ERP44: variants seen among roughly 807,000 people sequenced by gnomAD.
The protein encoded by ERP44 is endoplasmic reticulum protein 44.
Under a neutral mutation model 53.4 loss-of-function variants are expected in ERP44, and 25 were observed. That is an observed-to-expected ratio of 0.47 (90% CI 0.34 to 0.65). The LOEUF is 0.65. Ranked by LOEUF, ERP44 falls within the 30% of genes least tolerant of loss-of-function variation. The pLI, the probability that ERP44 is intolerant of heterozygous loss-of-function variation, is 0.01. For missense variants in ERP44, 338 were observed against 493.2 expected, an observed-to-expected ratio of 0.69 and a Z score of 2.98; for synonymous variants, 145 against 161.2, an observed-to-expected ratio of 0.90 and a Z score of 0.76.
chr9:100,049,443 T>TA (rs1197353543), intron 4 of ERP44, among the ~76,000 whole-genome samples: 1 of 152,022 alleles, frequency 6.6e-6, no homozygotes, highest in African/African-American at 2.4e-5. Context: ...AACAATCCAA[T>TA]AAAAAATGTG....
chr9:100,032,952 G>T (rs987468017), intron 4 of ERP44, among the ~76,000 whole-genome samples: 2 of 152,074 alleles, frequency 1.3e-5, no homozygotes, highest in African/African-American at 2.4e-5. Flanking sequence ...AATCTTTTTT[G>T]ACTTTTTGCT....
chr9:100,049,941 C>T (rs563564761), intron 4 of ERP44, among the ~76,000 whole-genome samples: 16 of 150,366 alleles, frequency 1.1e-4, no homozygotes, highest in African/African-American at 3.4e-4. Flanking sequence ...AACAGATAAA[C>T]AAATTGTGGT....
intron 6 of ERP44, 85 bp from the exon 7 acceptor site, chr9:100,018,398 A>G: frequency 1.2e-6 from 1 of 810,266 alleles, no homozygotes; most frequent in South Asian, 1.4e-5. Flanking sequence ...ATACTTATCC[A>G]TCATCTTCCC....
At chr9:100,034,064 G>C (rs924177057) in intron 4 of ERP44, among the ~76,000 whole-genome samples, 7 of 152,120 alleles carry the variant, frequency 4.6e-5, no homozygotes, top group Admixed American at 3.9e-4. Flanking sequence ...TGTTGCATAG[G>C]GGTTGGGTAA....
rs540504289 is a variant in ERP44 at position 99,982,392 on chromosome 9, A to G, written c.*220T>C. ...GATTTAAAGTGGAGATAGGCCTCTG[A>G]TTTTTATTTTTAAATCCTAGCAGGT... On this transcript the variant is annotated 3_prime_UTR_variant, in exon 12 of 12. Transcript: ENST00000262455. 4.3e-6 allele frequency: 1 copy of G among 230,482 alleles called. No homozygotes were observed. The highest frequency in any genetic ancestry group is 7.9e-5 in the East Asian group (1 of 12,720). The allele number at this position is 230,482 out of a possible 1,614,324, so 14.3% of individuals were successfully genotyped here.
rs1182659474 is a variant in ERP44 at position 100,020,718 on chromosome 9, T to A, written c.485A>T (p.Asn162Ile). The change falls in exon 6 of 12, where the codon AAT becomes ATT. Residue 162 changes from asparagine to isoleucine, a missense_variant. Physicochemically the swap from Asn to Ile is moderately radical, Grantham distance 149. This residue lies in a region of ERP44 where 224 missense variants were observed against 301.4 expected (regional missense o/e 0.74). Transcript: ENST00000262455. ...EITTLDRSKRNIIGYFEQKDS... is the reference protein window; with the variant it reads ...EITTLDRSKRIIIGYFEQKDS... ...CTTTTGCTCAAAATATCCAATGATATTTCTTTTGCTGCGCTGTAAAATAAA... is the reference window on the plus strand; with the variant it reads ...CTTTTGCTCAAAATATCCAATGATAATTCTTTTGCTGCGCTGTAAAATAAA... 2.5e-6 allele frequency: 4 copies of A among 1,577,946 alleles called. No homozygotes were observed. The highest frequency in any genetic ancestry group is 2.6e-6 in the Non-Finnish European group (3 of 1,148,244).
chr9:100,037,974 T>G (rs892221127), intron 4 of ERP44, among the ~76,000 whole-genome samples: 2 of 152,138 alleles, frequency 1.3e-5, no homozygotes, highest in Admixed American at 6.5e-5. Context: ...TATCCCAGAA[T>G]AGTGGGATAA....
chr9:100,060,188 A>G lies in ERP44; in HGVS notation c.58-16T>C. The G allele has an allele frequency of 6.7e-7, 1 of 1,486,838 alleles. No homozygotes were observed. The highest frequency in any genetic ancestry group is 8.9e-7 in the Non-Finnish European group (1 of 1,120,692). The allele number at this position is 1,486,838 out of a possible 1,614,324, so 92.1% of individuals were successfully genotyped here. On this transcript the variant is annotated splice_polypyrimidine_tract_variant and intron_variant, in intron 1 of 11. Coordinates refer to ENST00000262455, the MANE Select transcript of ERP44 (RefSeq NM_015051.3). Reference sequence around the variant, plus strand: ...CCCAAGTTACCTGAAAATTTAAAAAATGAGAAATTAATAAATGTGTCCACA... The same window carrying G: ...CCCAAGTTACCTGAAAATTTAAAAAGTGAGAAATTAATAAATGTGTCCACA...
intron 1 of ERP44, among the ~76,000 whole-genome samples, chr9:100,071,877 C>A (rs575819117): frequency 6.6e-6 from 1 of 152,114 alleles, no homozygotes; most frequent in Non-Finnish European, 1.5e-5. Flanking sequence ...GCTGAGATCA[C>A]GCCATTGCAC....
intron 2 of ERP44, 92 bp from the exon 3 acceptor site, chr9:100,057,951 G>T (rs1189120596): frequency 5.6e-5 from 55 of 984,592 alleles, no homozygotes; most frequent in Non-Finnish European, 7.9e-5. Flanking sequence ...TCCAATATAA[G>T]GGTCCACTTA....
intron 1 of ERP44, among the ~76,000 whole-genome samples, chr9:100,093,996 T>C (rs1826594427): frequency 6.6e-6 from 1 of 152,208 alleles, no homozygotes; most frequent in Admixed American, 6.5e-5. Context: ...CAAAGCTACA[T>C]ATACATTTAC....
Position 100,052,284 on chromosome 9 carries a change from C to T in ERP44, c.286+133G>A. ...ACTAGAACCTTTTCGGTTTGTTCTCCACTTAAAAGCAGAGCATTTAAAAAA... is the reference window on the plus strand; with the variant it reads ...ACTAGAACCTTTTCGGTTTGTTCTCTACTTAAAAGCAGAGCATTTAAAAAA... On this transcript the variant is annotated intron_variant, in intron 4 of 11. Transcript: ENST00000262455. The T allele has an allele frequency of 4.6e-6, 2 of 435,360 alleles. 1 individual carries two copies. 27.0% of individuals were successfully genotyped at this position (435,360 alleles called of 1,614,324 possible). A position where few individuals can be genotyped will look rare whatever the true frequency, so the allele number is the denominator to read the frequency against.
intron 10 of ERP44, chr9:99,999,095 AGCG>A (rs1480110637): frequency 5.9e-6 from 4 of 675,626 alleles, no homozygotes; most frequent in Non-Finnish European, 1.1e-5. Context: ...CCGTTCCCAC[AGCG>A]GCGGGGCGTG....
chr9:99,988,831 T>C (rs569518304), intron 10 of ERP44, among the ~76,000 whole-genome samples: 2 of 152,302 alleles, frequency 1.3e-5, no homozygotes, highest in African/African-American at 2.4e-5. Context: ...CCCACCCAAA[T>C]ACTGCGCTTT....
intron 10 of ERP44, among the ~76,000 whole-genome samples, chr9:100,005,773 C>G (rs1309154822): frequency 6.6e-6 from 1 of 152,138 alleles, no homozygotes; most frequent in East Asian, 1.9e-4. Context: ...ACAAATCATC[C>G]TCTGTGTAAT....
intron 1 of ERP44, among the ~76,000 whole-genome samples, chr9:100,086,571 C>A (rs1231896891): frequency 6.6e-6 from 1 of 152,230 alleles, no homozygotes; most frequent in Non-Finnish European, 1.5e-5. Flanking sequence ...TGCCAGACAT[C>A]ATACAATGTC....
At chr9:99,995,471 TTA>T (rs1830301274) in intron 10 of ERP44, among the ~76,000 whole-genome samples, 1 of 152,192 alleles carries the variant, frequency 6.6e-6, no homozygotes, top group Admixed American at 6.5e-5. Flanking sequence ...TGTAGGTCCT[TTA>T]TAGATGCCCT....
chr9:100,032,196 G>T (rs551012625), intron 4 of ERP44, among the ~76,000 whole-genome samples: 1 of 151,988 alleles, frequency 6.6e-6, no homozygotes, highest in Non-Finnish European at 1.5e-5. Flanking sequence ...AGCTATGCCC[G>T]CTTATTAGGC....
chr9:100,055,918 G>A (rs569767486), intron 3 of ERP44, among the ~76,000 whole-genome samples: 1 of 152,184 alleles, frequency 6.6e-6, no homozygotes, highest in South Asian at 2.1e-4. Context: ...AGACTTTGAG[G>A]CCACATAGTA....
Sources: gnomAD v4.1 joint callset for allele counts (sites outside exome capture counted in the v4.1 genomes callset) on GRCh38, gnomAD v4.1.1 for gene constraint, gnomAD v4.1.1 regional missense constraint, MANE v1.5 for transcripts, NCBI Gene and HGNC (gene_info 2026-07-23, HGNC 2026-07-21) for gene names.